Variants in KIF6 observed in about 807,000 individuals in gnomAD.
KIF6 encodes the protein kinesin-like protein KIF6.
Under a neutral mutation model 112.7 loss-of-function variants are expected in KIF6, and 106 were observed. That is an observed-to-expected ratio of 0.94 (90% CI 0.80 to 1.11). KIF6 has a LOEUF of 1.11. Among genes scored for constraint, KIF6 ranks in the 50% least tolerant of loss-of-function variants. The probability of loss-of-function intolerance (pLI) is 0.00; values close to 1 mark genes in which losing one functional copy is unlikely to be tolerated. For missense variants in KIF6, 929 were observed against 964.0 expected (o/e 0.96, Z 0.48); for synonymous variants, 339 against 339.9 (o/e 1.00, Z 0.03).
At chr6:39,577,112 G>T (rs1016986524) in intron 10 of KIF6, among the ~76,000 whole-genome samples, 4 of 152,154 alleles carry the variant, frequency 2.6e-5, no homozygotes, top group Non-Finnish European at 5.9e-5. Context: ...AAGCAGTCTT[G>T]CAAGAAAAGC....
Position 39,343,482 on chromosome 6 carries a change from C to T in KIF6, c.2428+227G>A. On this transcript the variant is annotated intron_variant, in intron 22 of 22. Coordinates refer to ENST00000287152, the MANE Select transcript of KIF6 (RefSeq NM_145027.6). This position sits in a 1 kb window ranked among gnomAD's most constrained non-coding sequence, Gnocchi z 4.1. Reference sequence around the variant, plus strand: ...GCTCTGCCAAGAGGGACAGGAGCACCTGGGCCGCCCACCCACTTGGGCCTG... The same window carrying T: ...GCTCTGCCAAGAGGGACAGGAGCACTTGGGCCGCCCACCCACTTGGGCCTG... 6.7e-7 allele frequency: 1 copy of T among 1,485,144 alleles called. No individual in the cohort carries two copies. The highest frequency in any genetic ancestry group is 9.0e-7 in the Non-Finnish European group (1 of 1,115,170). The allele number at this position is 1,485,144 out of a possible 1,614,324, so 92.0% of individuals were successfully genotyped here.
chr6:39,594,209 T>TA (rs61424840), intron 7 of KIF6, among the ~76,000 whole-genome samples: 20,220 of 143,386 alleles, frequency 0.14, 1,420 homozygotes, highest in South Asian at 0.21. Context: ...CTTATAGAAT[T>TA]AAAAAAAAAA....
chr6:39,677,676 T>C (rs1231740983), intron 3 of KIF6, among the ~76,000 whole-genome samples: 101 of 93,828 alleles, frequency 1.1e-3, no homozygotes, highest in African/African-American at 4.5e-3. Flanking sequence ...ATGCTATCCC[T>C]CCCCCCTCCC....
intron 1 of KIF6, among the ~76,000 whole-genome samples, chr6:39,722,430 T>A (rs79609371): frequency 6.6e-6 from 1 of 152,288 alleles, no homozygotes; most frequent in Non-Finnish European, 1.5e-5. Context: ...GTTTTTTTTT[T>A]AAGAAGACAG....
intron 3 of KIF6, among the ~76,000 whole-genome samples, chr6:39,712,723 G>T (rs1789626734): frequency 6.6e-6 from 1 of 152,096 alleles, no homozygotes; most frequent in South Asian, 2.1e-4. Context: ...AACACCGCAT[G>T]TTCTCACTCA....
intron 15 of KIF6, among the ~76,000 whole-genome samples, chr6:39,419,371 A>T (rs2150363503): frequency 6.6e-6 from 1 of 151,500 alleles, no homozygotes; most frequent in African/African-American, 2.4e-5. Flanking sequence ...AAAAAAAAAA[A>T]AAAAGAGAAT....
At chr6:39,563,221 G>C (rs1446961044) in intron 10 of KIF6, among the ~76,000 whole-genome samples, 1 of 152,184 alleles carries the variant, frequency 6.6e-6, no homozygotes, top group East Asian at 1.9e-4. Context: ...GGGTGATAGA[G>C]TGAGGGAGGC....
At chr6:39,564,015 C>T (rs572871605) in intron 10 of KIF6, among the ~76,000 whole-genome samples, 11 of 152,202 alleles carry the variant, frequency 7.2e-5, no homozygotes, top group Admixed American at 2.6e-4. Flanking sequence ...AAAAGTGGCA[C>T]GCAGGAAAAA....
intron 15 of KIF6, among the ~76,000 whole-genome samples, chr6:39,409,037 C>T (rs992818224): frequency 6.6e-6 from 1 of 152,088 alleles, no homozygotes; most frequent in African/African-American, 2.4e-5. Flanking sequence ...AGGAATATTG[C>T]GTATGAATAT....
chr6:39,462,261 G>A (rs1469408742), intron 13 of KIF6, among the ~76,000 whole-genome samples: 1 of 152,160 alleles, frequency 6.6e-6, no homozygotes, highest in Non-Finnish European at 1.5e-5. Flanking sequence ...AGGAGAACTT[G>A]TTGGCACCAT....
chr6:39,557,784 C>T (rs948363631), intron 10 of KIF6, among the ~76,000 whole-genome samples: 6 of 151,656 alleles, frequency 4.0e-5, no homozygotes, highest in Admixed American at 6.6e-5. Context: ...AGAAAGACGT[C>T]ACAATTAAAT....
In KIF6 at chr6:39,419,988, C is replaced by G. The variant is rs771904660; in HGVS notation, c.1770G>C (p.Lys590Asn). 1 of 1,613,114 alleles carries G rather than the reference C, an allele frequency of 6.2e-7. No homozygotes were observed. The highest frequency in any genetic ancestry group is 8.5e-7 in the Non-Finnish European group (1 of 1,179,196). Residue 590 changes from lysine (K) to asparagine (N), a missense_variant, in exon 15 of 23, where the codon AAG (lysine) becomes AAC (asparagine). Lys to Asn is a moderately conservative substitution (Grantham distance 94, BLOSUM62 0). Around this residue, in one of 2 missense-constraint regions of KIF6, gnomAD observed 241 missense variants for 301.4 expected, o/e 0.80. Coordinates refer to ENST00000287152, the MANE Select transcript of KIF6 (RefSeq NM_145027.6). ...CTTCATTTATACTTTCTCCCAGGGCCTTGGCTTCAGAAAATCTGGAGGGGA... is the reference window on the plus strand; with the variant it reads ...CTTCATTTATACTTTCTCCCAGGGCGTTGGCTTCAGAAAATCTGGAGGGGA... ...QILKQRFSEA[K>N]ALGESINEAR...
At position 39,688,446 on chromosome 6, in the gene KIF6, T is replaced by C. The variant is rs138018651; in HGVS notation, c.251+26246A>G. ...CGCTGTAATGAATGTAATTACATCA[T>C]ATTAATCAGTACCAGTTGTGAGGAT... On this transcript the variant is annotated intron_variant, in intron 3 of 22. Transcript: ENST00000287152. 7.9e-3 allele frequency among the ~76,000 whole-genome samples: 1,197 copies of C among 152,284 alleles called. 13 individuals are homozygous for C. The highest frequency in any genetic ancestry group is 0.038 in the South Asian group (184 of 4,816).
At position 39,562,788 on chromosome 6, in the gene KIF6, C is replaced by A. The variant is rs78310979; in HGVS notation, c.1181+15268G>T. Among the ~76,000 whole-genome samples the A allele has an allele frequency of 3.2e-4, 49 of 152,248 alleles. No individual in the cohort carries two copies. The East Asian group carries it at 9.2e-3, about 29-fold the overall frequency. On this transcript the variant is annotated intron_variant, in intron 10 of 22. Transcript: ENST00000287152. ...GCTCAATAAATGGCATTTATTTATACCATAATTATGAACATTTGCTGAATG... is the reference window on the plus strand; with the variant it reads ...GCTCAATAAATGGCATTTATTTATAACATAATTATGAACATTTGCTGAATG...
At chr6:39,366,830 AGATGGGAGTATTTT>A (rs1380809417) in intron 16 of KIF6, among the ~76,000 whole-genome samples, 1 of 151,680 alleles carries the variant, frequency 6.6e-6, no homozygotes, top group Non-Finnish European at 1.5e-5. Flanking sequence ...GCTTTGAGAG[AGATGGGAGTATTTT>A]GAGGAGAGGA....
Position 39,545,528 on chromosome 6 carries a change from T to C in KIF6, c.1287+55A>G, listed in dbSNP as rs966478404. 2.9e-6 allele frequency: 4 copies of C among 1,367,012 alleles called. No homozygotes were observed. The South Asian group carries it at 3.6e-5, about 12-fold the overall frequency. The allele number at this position is 1,367,012 out of a possible 1,614,324, so 84.7% of individuals were successfully genotyped here. A position where few individuals can be genotyped will look rare whatever the true frequency, so the allele number is the denominator to read the frequency against. On this transcript the variant is annotated intron_variant, in intron 11 of 22. Coordinates refer to ENST00000287152, the MANE Select transcript of KIF6 (RefSeq NM_145027.6). ...GAACTGGTCAACTAGAAAAGTTTTT[T>C]TGCAGCTTGAACATGGCTGAAAATG...
chr6:39,701,143 T>C (rs1788854686), intron 3 of KIF6, among the ~76,000 whole-genome samples: 1 of 152,272 alleles, frequency 6.6e-6, no homozygotes, highest in African/African-American at 2.4e-5. Flanking sequence ...CACACTTTAA[T>C]TTTGTAATAA....
intron 3 of KIF6, among the ~76,000 whole-genome samples, chr6:39,656,891 A>G (rs2150802887): frequency 6.6e-6 from 1 of 152,034 alleles, no homozygotes; most frequent in East Asian, 1.9e-4. Flanking sequence ...TCCCTCTTCC[A>G]CTCATCATAC....
At chr6:39,607,170 G>T (rs1202642738) in intron 6 of KIF6, among the ~76,000 whole-genome samples, 1 of 152,088 alleles carries the variant, frequency 6.6e-6, no homozygotes, top group Non-Finnish European at 1.5e-5. Flanking sequence ...GAAACTCTGG[G>T]ACTAAATTTT....
Sources: gnomAD v4.1 joint callset for allele counts (sites outside exome capture counted in the v4.1 genomes callset) on GRCh38, gnomAD v4.1.1 for gene constraint, gnomAD v4.1.1 regional missense constraint, Gnocchi (gnomAD v3.1) non-coding constraint, MANE v1.5 for transcripts, NCBI Gene and HGNC (gene_info 2026-07-23, HGNC 2026-07-21) for gene names.